The following DCBLD2 variants were observed in gnomAD, a reference collection of about 807,000 sequenced individuals.
The protein encoded by DCBLD2 is discoidin, CUB and LCCL domain containing 2.
In DCBLD2, 54 loss-of-function variants were observed where a neutral mutation model predicts 86.8. The ratio of observed to expected loss-of-function variants is 0.62; its 90% CI spans 0.50 to 0.78. The LOEUF (loss-of-function observed/expected upper bound fraction) is 0.78, where lower values mean the gene tolerates loss of function less well. Among genes scored for constraint, DCBLD2 ranks in the 30% least tolerant of loss-of-function variants. The probability of loss-of-function intolerance (pLI) is 0.00; values close to 1 mark genes in which losing one functional copy is unlikely to be tolerated. For synonymous variants in DCBLD2, 354 were observed against 341.3 expected, an observed-to-expected ratio of 1.04 and a Z score of -0.41; for missense variants, 908 against 954.2, an observed-to-expected ratio of 0.95 and a Z score of 0.64.
intron 1 of DCBLD2, chr3:98,900,882 C>A (rs889109376): frequency 6.3e-6 from 4 of 639,944 alleles, no homozygotes; most frequent in African/African-American, 5.6e-5. Context: ...ATAGCAGGGT[C>A]TCACGTCCCC....
intron 2 of DCBLD2, among the ~76,000 whole-genome samples, chr3:98,864,227 G>T (rs144830060): frequency 9.2e-5 from 14 of 152,366 alleles, no homozygotes; most frequent in Admixed American, 3.3e-4. Context: ...AGGTTGTGGA[G>T]AAATAGGAAC....
chr3:98,864,610 A>T (rs1450655291), intron 2 of DCBLD2, among the ~76,000 whole-genome samples: 1 of 152,212 alleles, frequency 6.6e-6, no homozygotes, highest in African/African-American at 2.4e-5. Context: ...AAGAACAAAA[A>T]ACCAAACAGC....
Position 98,872,392 on chromosome 3 carries a change from C to T in DCBLD2, c.433+9148G>A, listed in dbSNP as rs184569276. 1.4e-4 allele frequency among the ~76,000 whole-genome samples: 22 copies of T among 152,324 alleles called. No homozygotes were observed. In the East Asian group the frequency reaches 4.2e-3, roughly 29 times the overall value. ...GTCCCCTCTCTCTCTGCACAAGCCC[C>T]TTTCCCTTCCAGTTTCCTCCATGAG... On this transcript the variant is annotated intron_variant, in intron 2 of 15. Transcript: ENST00000326840.
intron 14 of DCBLD2, among the ~76,000 whole-genome samples, chr3:98,801,081 C>G (rs1290974306): frequency 6.6e-6 from 1 of 152,204 alleles, no homozygotes; most frequent in Admixed American, 6.5e-5. Flanking sequence ...ACTCTCCTGG[C>G]TCCTAAGAGC....
chr3:98,866,716 T>A (rs554654638), intron 2 of DCBLD2, among the ~76,000 whole-genome samples: 1 of 152,282 alleles, frequency 6.6e-6, no homozygotes, highest in Non-Finnish European at 1.5e-5. Flanking sequence ...TTTAATTAGA[T>A]CCCATTTGTC....
chr3:98,830,047 A>T (rs1046314227), intron 3 of DCBLD2, among the ~76,000 whole-genome samples: 14 of 152,044 alleles, frequency 9.2e-5, no homozygotes, highest in African/African-American at 3.1e-4. Flanking sequence ...TCTTCTTTGG[A>T]AAAGTGTCTG....
intron 2 of DCBLD2, among the ~76,000 whole-genome samples, chr3:98,878,832 G>A (rs905441047): frequency 6.6e-6 from 1 of 152,126 alleles, no homozygotes; most frequent in African/African-American, 2.4e-5. Flanking sequence ...ATGGAAATAA[G>A]GGAAAGCTGA....
At chr3:98,838,481 G>C (rs1942529895) in intron 3 of DCBLD2, among the ~76,000 whole-genome samples, 1 of 144,908 alleles carries the variant, frequency 6.9e-6, no homozygotes, top group Admixed American at 6.9e-5. Context: ...TCACTTCCTA[G>C]ATGTGATGGC....
Position 98,857,671 on chromosome 3 carries a change from G to A in DCBLD2, c.434-8073C>T, listed in dbSNP as rs187270978. The stretch of plus-strand genomic sequence containing the variant: ...ACAAACCTTGAGCTAGATACACAGT[G>A]CCGATTGGTGTATTTACAATCCCTT... On this transcript the variant is annotated intron_variant, in intron 2 of 15. Transcript: ENST00000326840. Among the ~76,000 whole-genome samples the A allele has an allele frequency of 4.6e-3, 701 of 152,286 alleles. 4 individuals carry two copies. Among genetic ancestry groups the A allele is most frequent in the African/African-American group, 0.016 (675 of 41,564 alleles).
rs750486041 is a variant in DCBLD2 at position 98,811,319 on chromosome 3, C to T, written c.1451G>A (p.Gly484Asp). The change falls in exon 12 of 16, where the codon GGT becomes GAT. Residue 484 changes from glycine (G) to aspartate (D), a missense_variant and splice_region_variant. This residue lies in a region of DCBLD2 where 606 missense variants were observed against 678.5 expected (regional missense o/e 0.89). Transcript: ENST00000326840. Reference sequence around the variant, plus strand: ...TGGTTGCGTAAATTTTGGGGCACGACCTTTAAAAAAGTTTCAAAAGCTCTT... The same window carrying T: ...TGGTTGCGTAAATTTTGGGGCACGATCTTTAAAAAAGTTTCAAAAGCTCTT... ...NTTAPPKIAK[G>D]RAPKFTQPLQ... 8.1e-6 allele frequency: 13 copies of T among 1,610,218 alleles called. No individual in the cohort carries two copies. Among genetic ancestry groups the T allele is most frequent in the Non-Finnish European group, 1.1e-5 (13 of 1,178,774 alleles).
At chr3:98,900,795 T>C (rs1230514250) in intron 1 of DCBLD2, 3 of 391,022 alleles carry the variant, frequency 7.7e-6, no homozygotes, top group Non-Finnish European at 1.4e-5. Flanking sequence ...AGCTTAACTT[T>C]AGGGGTCATT....
chr3:98,807,149 G>C (rs952010759), intron 13 of DCBLD2, among the ~76,000 whole-genome samples: 1 of 152,090 alleles, frequency 6.6e-6, no homozygotes, highest in African/African-American at 2.4e-5. Flanking sequence ...GAACCTCTAT[G>C]GTTATTTCTC....
chr3:98,856,601 A>G (rs578059947), intron 2 of DCBLD2, among the ~76,000 whole-genome samples: 8 of 152,300 alleles, frequency 5.3e-5, no homozygotes, highest in Non-Finnish European at 8.8e-5. Context: ...CTACAGCACA[A>G]CACTCCAAAG....
At chr3:98,874,878 T>C (rs1328430484) in intron 2 of DCBLD2, among the ~76,000 whole-genome samples, 2 of 152,226 alleles carry the variant, frequency 1.3e-5, no homozygotes, top group Non-Finnish European at 2.9e-5. Flanking sequence ...GGCATCTTGA[T>C]GTGGGACTTC....
At chr3:98,829,030 A>G (rs1047915953) in intron 3 of DCBLD2, among the ~76,000 whole-genome samples, 1 of 152,212 alleles carries the variant, frequency 6.6e-6, no homozygotes, top group African/African-American at 2.4e-5. Flanking sequence ...GAAATGGGGA[A>G]TAACTGCTAC....
intron 1 of DCBLD2, among the ~76,000 whole-genome samples, chr3:98,890,920 T>A (rs1326878087): frequency 6.6e-6 from 1 of 152,108 alleles, no homozygotes; most frequent in Non-Finnish European, 1.5e-5. Flanking sequence ...TACTAAGCAC[T>A]TTTGCTCAGA....
At chr3:98,812,251 A>G in intron 10 of DCBLD2, 81 bp downstream of exon 10, 1 of 1,524,908 alleles carries the variant, frequency 6.6e-7, no homozygotes, top group Non-Finnish European at 8.9e-7. Flanking sequence ...TCACATTATT[A>G]ATTACTCTCT....
intron 9 of DCBLD2, 145 bp from the exon 10 acceptor site, chr3:98,812,627 T>A: frequency 1.6e-6 from 1 of 628,286 alleles, no homozygotes; most frequent in Non-Finnish European, 2.5e-6. Context: ...TTTAAGAAAA[T>A]AATCATAATT....
chr3:98,896,653 T>C (rs570718486), intron 1 of DCBLD2, among the ~76,000 whole-genome samples: 1 of 152,302 alleles, frequency 6.6e-6, no homozygotes, highest in South Asian at 2.1e-4. Flanking sequence ...ATGTGGATAA[T>C]CATCTACGTT....
Sources: gnomAD v4.1 joint callset for allele counts (sites outside exome capture counted in the v4.1 genomes callset) on GRCh38, gnomAD v4.1.1 for gene constraint, gnomAD v4.1.1 regional missense constraint, MANE v1.5 for transcripts, NCBI Gene and HGNC (gene_info 2026-07-23, HGNC 2026-07-21) for gene names.